The following TAFA2 variants were observed in gnomAD, a reference collection of about 807,000 sequenced individuals.
TAFA2 encodes chemokine-like protein TAFA-2.
Under a neutral mutation model 18.8 loss-of-function variants are expected in TAFA2, and 7 were observed. That is an observed-to-expected ratio of 0.37 (90% CI 0.21 to 0.70). The LOEUF (loss-of-function observed/expected upper bound fraction) is 0.70, where lower values mean the gene tolerates loss of function less well. Ranked by LOEUF, TAFA2 falls within the 30% of genes least tolerant of loss-of-function variation. The probability of loss-of-function intolerance (pLI) is 0.53; values close to 1 mark genes in which losing one functional copy is unlikely to be tolerated. For missense variants in TAFA2, 122 were observed against 158.1 expected (o/e 0.77, Z 1.23); for synonymous variants, 60 against 54.2 (o/e 1.11, Z -0.47).
chr12:62,020,560 G>A (rs1565718567), intron 1 of TAFA2, among the ~76,000 whole-genome samples: 1 of 152,114 alleles, frequency 6.6e-6, no homozygotes, highest in African/African-American at 2.4e-5. Context: ...GATAACACTG[G>A]GATATGGACA....
In TAFA2 at chr12:62,237,671, C is replaced by G. The variant is rs185905670; in HGVS notation, c.-130+21092G>C. 7.2e-5 allele frequency among the ~76,000 whole-genome samples: 11 copies of G among 152,326 alleles called. No individual in the cohort carries two copies. In the East Asian group the frequency reaches 1.9e-3, roughly 27 times the overall value. ...TGCTATCTGGCTTGTTTTCAACTTT[C>G]TAGGATATGTTTACCTAGAGATTCT... On this transcript the variant is annotated intron_variant, in intron 1 of 5. Coordinates refer to the TAFA2 transcript ENST00000551619.
intron 2 of TAFA2, among the ~76,000 whole-genome samples, chr12:61,862,060 C>T (rs1874153050): frequency 6.6e-6 from 1 of 152,144 alleles, no homozygotes; most frequent in African/African-American, 2.4e-5. Flanking sequence ...AATGATGACT[C>T]ATTCTCCAGA....
intron 1 of TAFA2, among the ~76,000 whole-genome samples, chr12:61,904,827 A>G (rs1349366986): frequency 6.6e-6 from 1 of 152,214 alleles, no homozygotes; most frequent in Non-Finnish European, 1.5e-5. Flanking sequence ...ACTAAAAAAC[A>G]GTTTATTTGC....
rs141651465 is a variant in TAFA2 at position 61,823,970 on chromosome 12, C to T, written c.106+43350G>A. On this transcript the variant is annotated intron_variant, in intron 2 of 4. Transcript: ENST00000416284. Reference sequence around the variant, plus strand: ...CTCTTTTTGAGTGTGAGTGTGAGACCGGTGATTTGATAATAGTCAGCAGAA... The same window carrying T: ...CTCTTTTTGAGTGTGAGTGTGAGACTGGTGATTTGATAATAGTCAGCAGAA... Among the ~76,000 whole-genome samples, 274 of 152,042 alleles carry T rather than the reference C, an allele frequency of 1.8e-3. 1 individual carries two copies. The highest frequency in any genetic ancestry group is 2.2e-3 in the Non-Finnish European group (150 of 67,994).
chr12:61,877,924 T>TAC (rs57233464), intron 1 of TAFA2, among the ~76,000 whole-genome samples: 48 of 147,068 alleles, frequency 3.3e-4, no homozygotes, highest in Middle Eastern at 3.4e-3. Context: ...TATATATATA[T>TAC]ACACACACAC....
chr12:61,949,033 G>A (rs1331767571), intron 1 of TAFA2, among the ~76,000 whole-genome samples: 1 of 152,142 alleles, frequency 6.6e-6, no homozygotes, highest in Non-Finnish European at 1.5e-5. Context: ...CAGGGCCATG[G>A]GGTGGCCAGA....
chr12:62,058,577 C>G (rs1406109728), intron 1 of TAFA2, among the ~76,000 whole-genome samples: 1 of 152,076 alleles, frequency 6.6e-6, no homozygotes, highest in African/African-American at 2.4e-5. Flanking sequence ...TGTCTGACAG[C>G]GCTGTGTTTC....
intron 1 of TAFA2, among the ~76,000 whole-genome samples, chr12:62,147,320 A>ATATATATATATATATATATATG (rs1565760087): frequency 2.7e-5 from 1 of 37,470 alleles, no homozygotes; most frequent in Non-Finnish European, 4.9e-5. Context: ...GTGTGTGTGT[A>ATATATATATATATATATATATG]TGTATGTATA....
At chr12:61,951,991 A>G (rs1271644829) in intron 1 of TAFA2, among the ~76,000 whole-genome samples, 1 of 152,180 alleles carries the variant, frequency 6.6e-6, no homozygotes, top group African/African-American at 2.4e-5. Context: ...AGCCCAGAGT[A>G]GCAACTTGAC....
At chr12:62,041,365 C>T (rs1881752935) in intron 1 of TAFA2, among the ~76,000 whole-genome samples, 3 of 152,114 alleles carry the variant, frequency 2.0e-5, no homozygotes, top group Admixed American at 2.0e-4. Context: ...AACTGGCCTC[C>T]TGTGGACTGG....
chr12:62,095,341 A>C (rs2136840475), intron 1 of TAFA2, among the ~76,000 whole-genome samples: 1 of 152,256 alleles, frequency 6.6e-6, no homozygotes, highest in Non-Finnish European at 1.5e-5. Flanking sequence ...AATTAAACAA[A>C]TAAATACGTG....
At chr12:62,149,015 T>C (rs2062306953) in intron 1 of TAFA2, among the ~76,000 whole-genome samples, 1 of 152,224 alleles carries the variant, frequency 6.6e-6, no homozygotes, top group Non-Finnish European at 1.5e-5. Context: ...TTCTAGGCCT[T>C]GCCTAACCAG....
chr12:61,851,817 A>AAC (rs1873674719), intron 2 of TAFA2, among the ~76,000 whole-genome samples: 2 of 119,918 alleles, frequency 1.7e-5, no homozygotes, highest in Non-Finnish European at 3.6e-5. Context: ...AAAAAAAAAA[A>AAC]ACATGTTCTA....
chr12:62,218,089 G>A (rs924798626), intron 1 of TAFA2, among the ~76,000 whole-genome samples: 10 of 151,800 alleles, frequency 6.6e-5, no homozygotes, highest in African/African-American at 2.4e-4. Context: ...TCAGCCTCCT[G>A]GGCTCAATAG....
At chr12:61,976,180 C>T (rs1454453563) in intron 1 of TAFA2, among the ~76,000 whole-genome samples, 2 of 151,792 alleles carry the variant, frequency 1.3e-5, no homozygotes, top group Non-Finnish European at 2.9e-5. Context: ...GATGAAAAAT[C>T]AAACATGATA....
At chr12:61,751,825 G>C (rs1278906548) in intron 4 of TAFA2, among the ~76,000 whole-genome samples, 4 of 151,692 alleles carry the variant, frequency 2.6e-5, no homozygotes, top group Non-Finnish European at 5.9e-5. Context: ...TTGAGAATAT[G>C]GTCAACAGGC....
chr12:62,134,488 CA>C (rs1034224552), intron 1 of TAFA2, among the ~76,000 whole-genome samples: 121 of 151,836 alleles, frequency 8.0e-4, no homozygotes, highest in African/African-American at 2.8e-3. Flanking sequence ...AATCCACCAG[CA>C]CTTTGAACTT....
chr12:61,997,825 T>C (rs937120253), intron 1 of TAFA2, among the ~76,000 whole-genome samples: 20 of 151,890 alleles, frequency 1.3e-4, no homozygotes, highest in African/African-American at 4.8e-4. Context: ...CAAATAAACA[T>C]TTTCACAAAA....
chr12:61,756,727 G>GT (rs1869291093), intron 2 of TAFA2, among the ~76,000 whole-genome samples: 8 of 152,044 alleles, frequency 5.3e-5, no homozygotes, highest in Admixed American at 5.2e-4. Context: ...ATGATTCAGA[G>GT]TAATTTTGTA....
Sources: allele counts gnomAD v4.1 joint callset (sites outside exome capture counted in the v4.1 genomes callset), GRCh38; gene constraint gnomAD v4.1.1; transcripts MANE v1.5; gene names NCBI Gene and HGNC (gene_info 2026-07-23, HGNC 2026-07-21).